The following NPRL3 variants were observed in gnomAD, a reference collection of about 807,000 sequenced individuals.
The protein encoded by NPRL3 is NPR3 like, GATOR1 complex subunit.
Under a neutral mutation model 57.2 loss-of-function variants are expected in NPRL3, and 23 were observed. The ratio of observed to expected loss-of-function variants is 0.40; its 90% CI spans 0.29 to 0.57. The LOEUF is 0.57. Ranked by LOEUF, NPRL3 falls within the 20% of genes least tolerant of loss-of-function variation. The probability of loss-of-function intolerance (pLI) is 0.42; values close to 1 mark genes in which losing one functional copy is unlikely to be tolerated. For missense variants in NPRL3, 691 were observed against 767.1 expected (o/e 0.90, Z 1.17); for synonymous variants, 333 against 321.1 (o/e 1.04, Z -0.39).
At chr16:91,734 G>T (rs1567130474) in intron 11 of NPRL3, among the ~76,000 whole-genome samples, 1 of 152,238 alleles carries the variant, frequency 6.6e-6, no homozygotes, top group East Asian at 1.9e-4. Flanking sequence ...AACGGAAAGG[G>T]TTTAACTTTA....
chr16:133,606 A>G (rs2141987083), intron 2 of NPRL3, among the ~76,000 whole-genome samples: 1 of 152,338 alleles, frequency 6.6e-6, no homozygotes, highest in African/African-American at 2.4e-5. Context: ...CCTGGGCTCA[A>G]GCAATTTTCC....
rs1641764800 is a variant in NPRL3, at chr16:119,192, A to G, written c.252T>C (p.Phe84=). The change falls in exon 4 of 14, where the codon TTT becomes TTC. Residue 84 remains phenylalanine, a synonymous_variant. Coordinates refer to ENST00000611875, the MANE Select transcript of NPRL3 (RefSeq NM_001077350.3). ...ATKSEMCGQK[F]ELKIDNVRFV... ...ATCGCACATTATCAATCTTCAGTTC[A>G]AATTTTTGGCCACACATTTCAGACT... is the stretch of plus-strand genomic sequence containing the variant. The G allele has an allele frequency of 6.2e-7, 1 of 1,612,754 alleles. No individual in the cohort carries two copies. The highest frequency in any genetic ancestry group is 8.5e-7 in the Non-Finnish European group (1 of 1,179,336).
chr16:132,228 G>A (rs570260382), intron 2 of NPRL3, among the ~76,000 whole-genome samples: 3 of 152,158 alleles, frequency 2.0e-5, no homozygotes, highest in South Asian at 2.1e-4. Context: ...GGTTGGTCTC[G>A]AACTCCCGGG....
At chr16:92,169 A>G in intron 11 of NPRL3, among the ~76,000 whole-genome samples, 1 of 152,204 alleles carries the variant, frequency 6.6e-6, no homozygotes, top group Non-Finnish European at 1.5e-5. Flanking sequence ...CAGGGAGTGA[A>G]GACAGAAGCA....
intron 7 of NPRL3, among the ~76,000 whole-genome samples, chr16:104,052 G>A (rs532429791): frequency 1.3e-5 from 2 of 151,894 alleles, no homozygotes; most frequent in African/African-American, 2.4e-5. Flanking sequence ...AGGTAGAGGC[G>A]GAGGCGGAGG....
intron 9 of NPRL3, among the ~76,000 whole-genome samples, chr16:94,926 A>G (rs1898923999): frequency 6.6e-6 from 1 of 152,032 alleles, no homozygotes; most frequent in African/African-American, 2.4e-5. Context: ...AAAATCCAAA[A>G]TCAGTACTTA....
At chr16:115,789 G>A (rs1483199975) in intron 5 of NPRL3, among the ~76,000 whole-genome samples, 1 of 152,262 alleles carries the variant, frequency 6.6e-6, no homozygotes, top group Admixed American at 6.5e-5. Context: ...CTCGGCTCCG[G>A]TTGCTTTTAC....
chr16:85,890 G>A lies in NPRL3; in HGVS notation c.*815C>T, dbSNP rs182396345. 15 of 1,223,022 alleles carry A rather than the reference G, an allele frequency of 1.2e-5. No individual in the cohort carries two copies. The East Asian group carries it at 4.1e-4, about 33-fold the overall frequency. The allele number at this position is 1,223,022 out of a possible 1,614,324, so 75.8% of individuals were successfully genotyped here. On this transcript the variant is annotated 3_prime_UTR_variant, in exon 14 of 14. Transcript: ENST00000611875. Reference sequence around the variant, plus strand: ...TCCTCTAGGTGATCAACCCATGTCTGGAGCTAGCTCTTCCTCCAGGACACG... The same window carrying A: ...TCCTCTAGGTGATCAACCCATGTCTAGAGCTAGCTCTTCCTCCAGGACACG...
At chr16:115,988 T>C (rs1326669126) in intron 5 of NPRL3, among the ~76,000 whole-genome samples, 2 of 152,216 alleles carry the variant, frequency 1.3e-5, no homozygotes, top group Admixed American at 6.5e-5. Context: ...AGAACAAGCC[T>C]GGGGGAAATC....
intron 7 of NPRL3, among the ~76,000 whole-genome samples, chr16:101,199 C>A (rs996575034): frequency 1.3e-5 from 2 of 152,060 alleles, no homozygotes; most frequent in East Asian, 3.9e-4. Context: ...TGGGCCTGCC[C>A]TGCACACCTC....
At chr16:93,375 G>T (rs560337146) in intron 9 of NPRL3, 50 bp from the exon 10 acceptor site, 1 of 1,259,406 alleles carries the variant, frequency 7.9e-7, no homozygotes, top group African/African-American at 1.5e-5. Flanking sequence ...CTGGCCCACC[G>T]GGAGCTGTCA....
intron 2 of NPRL3, among the ~76,000 whole-genome samples, chr16:132,756 G>A (rs901540615): frequency 7.5e-5 from 11 of 146,528 alleles, no homozygotes; most frequent in African/African-American, 2.8e-4. Flanking sequence ...TGCAAGCTCC[G>A]CCTCCCGGAT....
chr16:114,784 A>G (rs1899957801), intron 5 of NPRL3, among the ~76,000 whole-genome samples: 1 of 152,088 alleles, frequency 6.6e-6, no homozygotes, highest in Non-Finnish European at 1.5e-5. Flanking sequence ...AAGTGCCCAT[A>G]TTTTATACAG....
chr16:131,043 C>A (rs1356065921), intron 2 of NPRL3, among the ~76,000 whole-genome samples: 1 of 152,238 alleles, frequency 6.6e-6, no homozygotes, highest in Non-Finnish European at 1.5e-5. Context: ...ATGTTATCTT[C>A]AAAAACAGTG....
chr16:118,174 C>T (rs1274510017), intron 4 of NPRL3, among the ~76,000 whole-genome samples: 3 of 152,196 alleles, frequency 2.0e-5, no homozygotes, highest in African/African-American at 4.8e-5. Flanking sequence ...CACCACAGAA[C>T]CTCCCAGAAT....
In NPRL3 at chr16:138,315, G is replaced by C. The variant is rs777416253; in HGVS notation, c.-48C>G. On this transcript the variant is annotated 5_prime_UTR_variant, in exon 2 of 14. Coordinates refer to ENST00000611875, the MANE Select transcript of NPRL3 (RefSeq NM_001077350.3). ...GGGCGGAGGGGGCCAGAGGAGGACG[G>C]AGCCGGAGGCGGAGGGGGCCTGAGG... is the stretch of plus-strand genomic sequence containing the variant. 7.6e-6 allele frequency: 7 copies of C among 918,264 alleles called. No homozygotes were observed. The highest frequency in any genetic ancestry group is 8.2e-6 in the Non-Finnish European group (6 of 735,088). The allele number at this position is 918,264 out of a possible 1,614,324, so 56.9% of individuals were successfully genotyped here.
intron 2 of NPRL3, among the ~76,000 whole-genome samples, chr16:133,641 G>T (rs1900918849): frequency 6.6e-6 from 1 of 152,216 alleles, no homozygotes; most frequent in Non-Finnish European, 1.5e-5. Context: ...AGGTAGCTGG[G>T]AGTACAGGTG....
intron 3 of NPRL3, among the ~76,000 whole-genome samples, chr16:128,917 G>A (rs1900665681): frequency 6.6e-6 from 1 of 152,146 alleles, no homozygotes; most frequent in Admixed American, 6.6e-5. Flanking sequence ...AGCCCCTAAG[G>A]GTATGAACCC....
At chr16:125,076 CAAAAAAA>C in intron 3 of NPRL3, 1 of 59,192 alleles carries the variant, frequency 1.7e-5, no homozygotes, top group Non-Finnish European at 3.8e-5. Context: ...AACTTTGTCT[CAAAAAAA>C]AAAAAAAAAA....
Sources: allele counts gnomAD v4.1 joint callset (sites outside exome capture counted in the v4.1 genomes callset), GRCh38; gene constraint gnomAD v4.1.1; transcripts MANE v1.5; gene names NCBI Gene and HGNC (gene_info 2026-07-23, HGNC 2026-07-21).